Variants in CEP295 observed in about 807,000 individuals in gnomAD.
CEP295 encodes the protein centrosomal protein 295.
Under a neutral mutation model 291.6 loss-of-function variants are expected in CEP295, and 190 were observed. The ratio of observed to expected loss-of-function variants is 0.65; its 90% CI spans 0.58 to 0.73. The LOEUF is 0.73. CEP295 is among the 30% of genes least tolerant of loss of function. The pLI, the probability that CEP295 is intolerant of heterozygous loss-of-function variation, is 0.00. For missense variants in CEP295, 2,863 were observed against 2,949.4 expected (o/e 0.97, Z 0.68); for synonymous variants, 993 against 1,038.8 (o/e 0.96, Z 0.85).
intron 5 of CEP295, 149 bp from the exon 6 acceptor site, chr11:93,675,422 C>A (rs944316579): frequency 2.0e-5 from 9 of 441,464 alleles, no homozygotes; most frequent in African/African-American, 1.6e-4. Flanking sequence ...TAATTTAACT[C>A]AAAAAATTTG....
At chr11:93,667,570 C>A in intron 2 of CEP295, 37 bp from the exon 3 acceptor site, 2 of 1,439,370 alleles carry the variant, frequency 1.4e-6, no homozygotes, top group Non-Finnish European at 1.9e-6. Flanking sequence ...TTAAGTAAAC[C>A]TCCTTTCATA....
At chr11:93,692,939 C>G (rs1014444207) in intron 12 of CEP295, among the ~76,000 whole-genome samples, 1 of 146,760 alleles carries the variant, frequency 6.8e-6, no homozygotes, top group African/African-American at 2.5e-5. Flanking sequence ...CACCACTGCA[C>G]TCCAGCCTGG....
intron 5 of CEP295, 99 bp downstream of exon 5, chr11:93,669,869 G>T: frequency 2.8e-6 from 2 of 725,254 alleles, no homozygotes; most frequent in Non-Finnish European, 2.3e-6. Context: ...AATTGTACAA[G>T]TTTTCTTGTA....
chr11:93,709,680 A>G (rs966341128), intron 18 of CEP295, among the ~76,000 whole-genome samples: 4 of 152,112 alleles, frequency 2.6e-5, no homozygotes, highest in African/African-American at 9.7e-5. Flanking sequence ...TCTATGAAGA[A>G]TATCATTGGT....
chr11:93,712,206 C>T (rs1410306594), intron 18 of CEP295, among the ~76,000 whole-genome samples: 2 of 151,260 alleles, frequency 1.3e-5, no homozygotes, highest in Non-Finnish European at 2.9e-5. Context: ...ATATAATGAC[C>T]TGCTTTTTTT....
intron 24 of CEP295, 51 bp from the exon 25 acceptor site, chr11:93,728,630 A>AG (rs1038896088): frequency 6.1e-6 from 9 of 1,467,382 alleles, no homozygotes; most frequent in Non-Finnish European, 5.4e-6. Flanking sequence ...GATTAGTTTA[A>AG]GTCTTTTAAG....
chr11:93,666,391 C>T (rs773509783), intron 1 of CEP295, among the ~76,000 whole-genome samples: 6 of 152,094 alleles, frequency 3.9e-5, no homozygotes, highest in African/African-American at 7.2e-5. Flanking sequence ...GCCAAGAGTT[C>T]GAGACCAGCC....
chr11:93,724,281 A>G lies in CEP295; in HGVS notation c.6224A>G (p.His2075Arg), dbSNP rs892137710. The change falls in exon 22 of 30, where the codon CAT (histidine) becomes CGT (arginine). Residue 2075 changes from histidine (H) to arginine (R), a missense_variant. This residue lies in a region of CEP295 where 2,295 missense variants were observed against 2,335.7 expected (regional missense o/e 0.98). Transcript: ENST00000325212. ...QELEHIFPNL[H>R]HQLFKPLEPH... is the part of the protein sequence containing the mutation. The stretch of plus-strand genomic sequence containing the variant: ...TTGGAACACATTTTTCCTAATTTGC[A>G]TCATCAGCTGTTTAAACCCTTAGAA... 5.2e-6 allele frequency: 8 copies of G among 1,550,326 alleles called. No individual in the cohort carries two copies. In the Admixed American group the frequency reaches 1.4e-4, roughly 27 times the overall value.
chr11:93,706,255 GC>G (rs1028452476), intron 17 of CEP295, among the ~76,000 whole-genome samples: 1 of 151,980 alleles, frequency 6.6e-6, no homozygotes, highest in African/African-American at 2.4e-5. Flanking sequence ...AATTTTTGGG[GC>G]GATGCTTTAT....
intron 18 of CEP295, among the ~76,000 whole-genome samples, chr11:93,719,246 GTT>G (rs61255145): frequency 2.4e-3 from 329 of 135,528 alleles, no homozygotes; most frequent in Middle Eastern, 0.012. Flanking sequence ...TTTTTTCCGG[GTT>G]TTTTTTTTTT....
intron 12 of CEP295, among the ~76,000 whole-genome samples, chr11:93,694,692 A>G (rs957839226): frequency 6.6e-6 from 1 of 152,220 alleles, no homozygotes; most frequent in African/African-American, 2.4e-5. Context: ...GGACAAAGAG[A>G]TTATTGATGT....
Position 93,724,323 on chromosome 11 carries a change from A to G in CEP295, c.6266A>G (p.Asp2089Gly). 1 of 1,550,372 alleles carries G rather than the reference A, an allele frequency of 6.5e-7. No homozygotes were observed. The highest frequency in any genetic ancestry group is 1.4e-5 in the African/African-American group (1 of 73,164). ...FKPLEPHPDF[D>G]LSSSSSGISP... ...CCCTTAGAACCACATCCAGATTTTG[A>G]CTTATCATCATCATCCTCTGGGATT... The change falls in exon 22 of 30, where the codon GAC becomes GGC. Residue 2089 changes from aspartate (D) to glycine (G), a missense_variant. By Grantham distance (94) the Asp-to-Gly change is moderately conservative. Coordinates refer to ENST00000325212, the MANE Select transcript of CEP295 (RefSeq NM_033395.2).
Position 93,700,183 on chromosome 11 carries a change from T to C in CEP295, c.5271T>C (p.Ser1757=), listed in dbSNP as rs1237010472. 6.5e-7 allele frequency: 1 copy of C among 1,544,488 alleles called. No individual in the cohort carries two copies. Among genetic ancestry groups the C allele is most frequent in the South Asian group, 1.2e-5 (1 of 82,598 alleles). Reference sequence around the variant, plus strand: ...CTTTGAAGGATTTCTTTAAAGACAGTCAGGTATGTTTTAAACCTGAATAAT... The same window carrying C: ...CTTTGAAGGATTTCTTTAAAGACAGCCAGGTATGTTTTAAACCTGAATAAT... ...EETLKDFFKD[S]QISKPTVEND... is the part of the protein sequence containing the mutation. The change falls in exon 15 of 30, where the codon AGT becomes AGC. Residue 1757 remains serine, a synonymous_variant. Coordinates refer to ENST00000325212, the MANE Select transcript of CEP295 (RefSeq NM_033395.2).
Position 93,675,479 on chromosome 11 carries a change from C to T in CEP295, c.529-92C>T, listed in dbSNP as rs1950642941. ...TAGCATGTTTTGGATGCGGAGAACT[C>T]ATTAAAATACAAAATTACTTTTTTT... On this transcript the variant is annotated intron_variant, in intron 5 of 29. Coordinates refer to ENST00000325212, the MANE Select transcript of CEP295 (RefSeq NM_033395.2). 3 of 606,650 alleles carry T rather than the reference C, an allele frequency of 4.9e-6. No individual in the cohort carries two copies. In the Admixed American group the frequency reaches 1.2e-4, roughly 24 times the overall value. The allele number at this position is 606,650 out of a possible 1,614,324, so 37.6% of individuals were successfully genotyped here.
intron 18 of CEP295, among the ~76,000 whole-genome samples, chr11:93,713,879 A>G (rs1214463964): frequency 6.6e-6 from 1 of 151,916 alleles, no homozygotes; most frequent in Non-Finnish European, 1.5e-5. Context: ...TCCTCTGTGC[A>G]TTTTCAAATA....
At chr11:93,711,348 TTCATTGACCCACTGG>T (rs1434468915) in intron 18 of CEP295, among the ~76,000 whole-genome samples, 1 of 152,244 alleles carries the variant, frequency 6.6e-6, no homozygotes, top group African/African-American at 2.4e-5. Context: ...TATTAGTCTC[TTCATTGACCCACTGG>T]TCATTCAGGA....
intron 2 of CEP295, 65 bp from the exon 3 acceptor site, chr11:93,667,542 A>G (rs1405284505): frequency 3.4e-6 from 4 of 1,192,672 alleles, no homozygotes; most frequent in Non-Finnish European, 3.5e-6. Flanking sequence ...CTCTTTCCAA[A>G]TAGCTTTTCA....
At chr11:93,691,108 A>G (rs1300362769) in intron 10 of CEP295, among the ~76,000 whole-genome samples, 2 of 152,154 alleles carry the variant, frequency 1.3e-5, no homozygotes, top group Non-Finnish European at 2.9e-5. Context: ...TGGGATAATT[A>G]TAAGATGGTT....
At chr11:93,713,300 G>A (rs1277894843) in intron 18 of CEP295, among the ~76,000 whole-genome samples, 1 of 151,972 alleles carries the variant, frequency 6.6e-6, no homozygotes, top group Non-Finnish European at 1.5e-5. Context: ...AGTGATTTTT[G>A]TACCTTCAGA....
Sources: gnomAD v4.1 joint callset for allele counts (sites outside exome capture counted in the v4.1 genomes callset) on GRCh38, gnomAD v4.1.1 for gene constraint, gnomAD v4.1.1 regional missense constraint, MANE v1.5 for transcripts, NCBI Gene and HGNC (gene_info 2026-07-23, HGNC 2026-07-21) for gene names.